PCSK7: variants seen among roughly 807,000 people sequenced by gnomAD.
The protein encoded by PCSK7 is proprotein convertase subtilisin/kexin type 7.
A neutral mutation model predicts 73.3 loss-of-function variants in PCSK7; 38 were observed. That is an observed-to-expected ratio of 0.52 (90% CI 0.40 to 0.68). The LOEUF (loss-of-function observed/expected upper bound fraction) is 0.68, where lower values mean the gene tolerates loss of function less well. Ranked by LOEUF, PCSK7 falls within the 30% of genes least tolerant of loss-of-function variation. The pLI is 0.00. For synonymous variants in PCSK7, 296 were observed against 383.8 expected (o/e 0.77, Z 2.68); for missense variants, 692 against 991.5 (o/e 0.70, Z 4.06).
rs1380378621 is a variant in PCSK7, at chr11:117,224,109, G to A, written c.1023C>T (p.Gly341=). The A allele has an allele frequency of 2.5e-6, 4 of 1,608,006 alleles. No individual in the cohort carries two copies. The highest frequency in any genetic ancestry group is 1.1e-5 in the South Asian group (1 of 90,104). The change falls in exon 8 of 17, where the codon GGC becomes GGT. Residue 341 remains glycine (G), a synonymous_variant. Transcript: ENST00000320934. The stretch of plus-strand genomic sequence containing the variant: ...TGACGGTGTAGATGGAGTTGGCGTA[G>A]CCATCGTAGTTGCAGTTGTCGTTGT... The part of the protein sequence containing the change: ...GQHNDNCNYD[G]YANSIYTVTI...
At chr11:117,213,544 G>A (rs1467074670) in intron 12 of PCSK7, 1 of 152,230 alleles carries the variant, frequency 6.6e-6, no homozygotes, top group Admixed American at 6.5e-5. Flanking sequence ...GGAACAGAAA[G>A]ATGATGGAAA....
At chr11:117,223,479 C>G (rs1333923795) in intron 8 of PCSK7, 171 bp from the exon 9 acceptor site, 4 of 593,976 alleles carry the variant, frequency 6.7e-6, no homozygotes, top group Non-Finnish European at 1.2e-5. Flanking sequence ...TCTGAACAGG[C>G]AGTCTCAAGT....
chr11:117,216,048 C>G (rs1469013344), intron 12 of PCSK7: 1 of 152,248 alleles, frequency 6.6e-6, no homozygotes, highest in East Asian at 1.9e-4. Context: ...CTATGTTGTT[C>G]AGGCTGGTCT....
At chr11:117,214,693 G>A (rs2031886821) in intron 12 of PCSK7, 1 of 152,262 alleles carries the variant, frequency 6.6e-6, no homozygotes, top group Non-Finnish European at 1.5e-5. Context: ...TGACAAAGGG[G>A]AGAAATTGCT....
In PCSK7 at chr11:117,219,096, G is replaced by C; in HGVS notation, c.1392C>G (p.Phe464Leu). 3 of 1,610,858 alleles carry C rather than the reference G, an allele frequency of 1.9e-6. No homozygotes were observed. The highest frequency in any genetic ancestry group is 2.5e-6 in the Non-Finnish European group (3 of 1,179,888). The change falls in exon 11 of 17, where the codon TTC becomes TTG. Residue 464 changes from phenylalanine (F) to leucine (L), a missense_variant. Phe to Leu is a conservative substitution (Grantham distance 22, BLOSUM62 0). Transcript: ENST00000320934. ...CGAGCCTCCAGGCGTTGAGGAGGCC[G>C]AAACCGTGCTGGTGGCTATGGCTGA... ...AGFSHSHQHG[F>L]GLLNAWRLVN...
Position 117,229,462 on chromosome 11 carries a change from C to A in PCSK7, c.383G>T (p.Arg128Leu). 1.2e-6 allele frequency: 2 copies of A among 1,611,376 alleles called. No homozygotes were observed. The highest frequency in any genetic ancestry group is 1.7e-6 in the Non-Finnish European group (2 of 1,180,004). Residue 128 changes from arginine to leucine, a missense_variant, in exon 3 of 17, where the codon CGC becomes CTC. Physicochemically the swap from Arg to Leu is moderately radical, Grantham distance 102. This residue lies in a region of PCSK7 where 574 missense variants were observed against 689.8 expected (regional missense o/e 0.83). Coordinates refer to ENST00000320934, the MANE Select transcript of PCSK7 (RefSeq NM_004716.4). ...EAVLAGHEAV[R>L]WHSEQRLLRR... is the part of the protein sequence containing the mutation. Reference sequence around the variant, plus strand: ...TAGCAGCCTCTGCTCTGAGTGCCAGCGCACAGCTTCATGCCCAGCCAACAC... The same window carrying A: ...TAGCAGCCTCTGCTCTGAGTGCCAGAGCACAGCTTCATGCCCAGCCAACAC...
chr11:117,231,484 G>A (rs61906491), intron 1 of PCSK7, among the ~76,000 whole-genome samples: 16,546 of 152,166 alleles, frequency 0.11, 1,085 homozygotes, highest in East Asian at 0.17. Flanking sequence ...GCCAGACAGT[G>A]GCCCCGCTAG....
chr11:117,223,963 CAAAG>C (rs772241371), intron 8 of PCSK7, 111 bp downstream of exon 8: 20 of 1,126,872 alleles, frequency 1.8e-5, no homozygotes, highest in Admixed American at 8.9e-5. Flanking sequence ...TATCTGAGCC[CAAAG>C]AGATTATTGT....
Position 117,218,521 on chromosome 11 carries a change from T to C in PCSK7, c.1479A>G (p.Leu493=). ...ACTGCGGAATCGCCTTGTTTTCTTT[T>C]AACACGGGACTGACGTAGGATGCTA... ...PYLASYVSPV[L]KENKAIPQSP... Residue 493 remains leucine (L), a synonymous_variant, in exon 12 of 17, where the codon TTA becomes TTG. Transcript: ENST00000320934. This position sits in a 1 kb window ranked among gnomAD's most constrained non-coding sequence, Gnocchi z 4.0. 6.2e-7 allele frequency: 1 copy of C among 1,611,042 alleles called. No homozygotes were observed. Among genetic ancestry groups the C allele is most frequent in the South Asian group, 1.1e-5 (1 of 90,602 alleles).
chr11:117,219,283 A>ACTG, intron 10 of PCSK7, 119 bp from the exon 11 acceptor site: 2 of 742,254 alleles, frequency 2.7e-6, no homozygotes. Context: ...CACTATGGCT[A>ACTG]CTGGGAATGG....
intron 12 of PCSK7, chr11:117,213,869 A>T (rs2134296856): frequency 6.6e-6 from 1 of 152,180 alleles, no homozygotes; most frequent in South Asian, 2.1e-4. Context: ...GCCTTTGGTA[A>T]ATTGGAATTT....
intron 1 of PCSK7, among the ~76,000 whole-genome samples, chr11:117,230,840 G>A (rs2032624107): frequency 6.6e-6 from 1 of 152,122 alleles, no homozygotes. Context: ...GGAGGCGGCG[G>A]GGGCGAAACG....
Position 117,230,650 on chromosome 11 carries a change from A to G in PCSK7, c.-132-182T>C, listed in dbSNP as rs184502452. Among the ~76,000 whole-genome samples, 15 of 152,232 alleles carry G rather than the reference A, an allele frequency of 9.9e-5. No homozygotes were observed. In the East Asian group the frequency reaches 2.5e-3, roughly 25 times the overall value. ...TGAGGCCAAATCAGTATAACACCCA[A>G]AAAACCCACTTCCTGTGCTATCGTG... On this transcript the variant is annotated intron_variant, in intron 1 of 16. Coordinates refer to ENST00000320934, the MANE Select transcript of PCSK7 (RefSeq NM_004716.4).
chr11:117,216,402 G>C (rs56061158), intron 12 of PCSK7: 17,708 of 148,524 alleles, frequency 0.12, 1,309 homozygotes, highest in Admixed American at 0.17. Flanking sequence ...GGGGTTTCTT[G>C]ACTTCCTGGG....
Position 117,219,111 on chromosome 11 carries a change from G to A in PCSK7, c.1377C>T (p.Ser459=). The part of the protein sequence containing the change: ...WVTNEAGFSH[S]HQHGFGLLNA... Reference sequence around the variant, plus strand: ...TGAGGAGGCCGAAACCGTGCTGGTGGCTATGGCTGAAGCCTGCCTCGTTGG... The same window carrying A: ...TGAGGAGGCCGAAACCGTGCTGGTGACTATGGCTGAAGCCTGCCTCGTTGG... The change falls in exon 11 of 17, where the codon AGC becomes AGT. Residue 459 remains serine, a synonymous_variant. Transcript: ENST00000320934. 3 of 1,611,262 alleles carry A rather than the reference G, an allele frequency of 1.9e-6. No homozygotes were observed. Among genetic ancestry groups the A allele is most frequent in the Non-Finnish European group, 2.5e-6 (3 of 1,179,928 alleles).
chr11:117,215,372 G>GTATATATATATA (rs1342453814), intron 12 of PCSK7: 2 of 79,428 alleles, frequency 2.5e-5, no homozygotes, highest in African/African-American at 7.3e-5. Context: ...ATTTGTGTGT[G>GTATATATATATA]TGTGTGTGTA....
At chr11:117,209,457 A>G (rs2031613811) in intron 12 of PCSK7, 1 of 195,210 alleles carries the variant, frequency 5.1e-6, no homozygotes, top group South Asian at 1.3e-4. Context: ...CATAATTGAT[A>G]AGGGAAGAGA....
Position 117,229,651 on chromosome 11 carries a change from C to A in PCSK7, c.194G>T (p.Gly65Val). 1 of 1,613,968 alleles carries A rather than the reference C, an allele frequency of 6.2e-7. No individual in the cohort carries two copies. Reference protein sequence around the residue: ...AVHLESLEGDGEEETLEQQAD... With the variant: ...AVHLESLEGDVEEETLEQQAD... ...CTGCTGCTCCAGAGTCTCTTCCTCC[C>A]CGTCACCTTCCAGGCTTTCCAGGTG... Residue 65 changes from glycine to valine, a missense_variant, in exon 3 of 17, where the codon GGG becomes GTG. Around this residue, in one of 6 missense-constraint regions of PCSK7, gnomAD observed 574 missense variants for 689.8 expected, o/e 0.83. Transcript: ENST00000320934.
chr11:117,220,060 C>G (rs1000098848), intron 9 of PCSK7: 5 of 219,848 alleles, frequency 2.3e-5, no homozygotes, highest in Non-Finnish European at 4.4e-5. Flanking sequence ...TTTGTTAGAG[C>G]TGAATCTTTG....
Sources: gnomAD v4.1 joint callset for allele counts (sites outside exome capture counted in the v4.1 genomes callset) on GRCh38, gnomAD v4.1.1 for gene constraint, gnomAD v4.1.1 regional missense constraint, Gnocchi (gnomAD v3.1) non-coding constraint, MANE v1.5 for transcripts, NCBI Gene and HGNC (gene_info 2026-07-23, HGNC 2026-07-21) for gene names.